ST8SIA2: variants seen among roughly 807,000 people sequenced by gnomAD.
The protein encoded by ST8SIA2 is alpha-2,8-sialyltransferase 8B.
A neutral mutation model predicts 37.6 loss-of-function variants in ST8SIA2; 22 were observed. That is an observed-to-expected ratio of 0.58 (90% CI 0.42 to 0.83). The LOEUF (loss-of-function observed/expected upper bound fraction) is 0.83. ST8SIA2 is among the 40% of genes least tolerant of loss of function. The pLI, the probability that ST8SIA2 is intolerant of heterozygous loss-of-function variation, is 0.00. For synonymous variants in ST8SIA2, 205 were observed against 201.2 expected (o/e 1.02, Z -0.16); for missense variants, 382 against 484.7 (o/e 0.79, Z 1.99).
intron 2 of ST8SIA2, among the ~76,000 whole-genome samples, chr15:92,431,338 C>T (rs897852138): frequency 6.6e-6 from 1 of 152,170 alleles, no homozygotes; most frequent in African/African-American, 2.4e-5. Context: ...TTAGCCAGGA[C>T]CTTAGGCAAG....
At chr15:92,436,857 C>T (rs1457299845) in intron 3 of ST8SIA2, among the ~76,000 whole-genome samples, 2 of 152,132 alleles carry the variant, frequency 1.3e-5, no homozygotes, top group Non-Finnish European at 2.9e-5. Context: ...CCCTGGCTGC[C>T]CCGGAGGCTC....
At chr15:92,396,641 C>A (rs7174532) in intron 1 of ST8SIA2, among the ~76,000 whole-genome samples, 8 of 151,902 alleles carry the variant, frequency 5.3e-5, no homozygotes, top group South Asian at 2.1e-4. Flanking sequence ...TTACAGGCAC[C>A]TGCCACCACA....
chr15:92,466,126 C>T lies in ST8SIA2; in HGVS notation c.*1741C>T, dbSNP rs1478743278. 1 of 152,152 alleles carries T rather than the reference C, an allele frequency of 6.6e-6. No homozygotes were observed. Among genetic ancestry groups the T allele is most frequent in the Admixed American group, 6.5e-5 (1 of 15,274 alleles). The allele number at this position is 152,152 out of a possible 1,614,324, so 9.4% of individuals were successfully genotyped here. ...GGAGGCGGCAGAACCATTAACCCTA[C>T]ACAAGAACACTCCAGCCCAAAACCG... On this transcript the variant is annotated 3_prime_UTR_variant, in exon 6 of 6. Coordinates refer to ENST00000268164, the MANE Select transcript of ST8SIA2 (RefSeq NM_006011.4).
Position 92,464,638 on chromosome 15 carries a change from C to T in ST8SIA2, c.*253C>T, listed in dbSNP as rs1043139168. The T allele has an allele frequency of 1.5e-5, 8 of 529,912 alleles. No individual in the cohort carries two copies. The highest frequency in any genetic ancestry group is 1.3e-4 in the African/African-American group (7 of 52,446). 32.8% of individuals were successfully genotyped at this position (529,912 alleles called of 1,614,324 possible). On this transcript the variant is annotated 3_prime_UTR_variant, in exon 6 of 6. Transcript: ENST00000268164. The stretch of plus-strand genomic sequence containing the variant: ...GAAGGTGTGGAGAACCCACCTGAAC[C>T]AGATTGAGACTCAATCCATCTTTGG...
chr15:92,448,938 T>TGG (rs139549749), intron 5 of ST8SIA2, among the ~76,000 whole-genome samples: 82 of 150,550 alleles, frequency 5.4e-4, no homozygotes, highest in African/African-American at 1.2e-3. Context: ...ATAGGGTATG[T>TGG]GGGGGGGGGT....
chr15:92,430,511 C>T (rs772856709), intron 2 of ST8SIA2, among the ~76,000 whole-genome samples: 14 of 152,188 alleles, frequency 9.2e-5, no homozygotes, highest in South Asian at 2.1e-4. Context: ...ATAAAGCATT[C>T]GGGAACTTTG....
chr15:92,442,907 G>A (rs1165681156), intron 4 of ST8SIA2, among the ~76,000 whole-genome samples: 1 of 152,016 alleles, frequency 6.6e-6, no homozygotes, highest in Non-Finnish European at 1.5e-5. Context: ...TCTAGCTCTG[G>A]GCCTTTGAGC....
Position 92,467,540 on chromosome 15 carries a change from C to T in ST8SIA2, c.*3155C>T, listed in dbSNP as rs763398953. 2 of 152,708 alleles carry T rather than the reference C, an allele frequency of 1.3e-5. No individual in the cohort carries two copies. Among genetic ancestry groups the T allele is most frequent in the Non-Finnish European group, 2.9e-5 (2 of 68,142 alleles). 9.5% of individuals were successfully genotyped at this position (152,708 alleles called of 1,614,324 possible). A position where few individuals can be genotyped will look rare whatever the true frequency, so the allele number is the denominator to read the frequency against. ...AGACGCTCCCTGGCCCCTCGGCACC[C>T]AGAATGCCACATTCTTGTGTTTTTT... On this transcript the variant is annotated 3_prime_UTR_variant, in exon 6 of 6. Transcript: ENST00000268164.
chr15:92,460,471 A>G (rs1567226137), intron 5 of ST8SIA2, among the ~76,000 whole-genome samples: 1 of 152,296 alleles, frequency 6.6e-6, no homozygotes, highest in African/African-American at 2.4e-5. Flanking sequence ...CTTTGCAGGG[A>G]TCTGTGAGAG....
chr15:92,411,287 T>C (rs2049546916), intron 1 of ST8SIA2, among the ~76,000 whole-genome samples: 1 of 151,934 alleles, frequency 6.6e-6, no homozygotes, highest in East Asian at 1.9e-4. Flanking sequence ...TGACCAAAGG[T>C]ATGTGCAGAC....
chr15:92,427,098 A>G (rs1250174634), intron 1 of ST8SIA2, among the ~76,000 whole-genome samples: 1 of 152,202 alleles, frequency 6.6e-6, no homozygotes, highest in East Asian at 1.9e-4. Flanking sequence ...TCCATCTCAA[A>G]GAGAAAAAGT....
chr15:92,399,887 T>G (rs1484171498), intron 1 of ST8SIA2, among the ~76,000 whole-genome samples: 1 of 152,224 alleles, frequency 6.6e-6, no homozygotes, highest in Non-Finnish European at 1.5e-5. Flanking sequence ...TATAAATACT[T>G]CTTCGAGAGG....
At chr15:92,427,368 TATA>T (rs2049684684) in intron 1 of ST8SIA2, among the ~76,000 whole-genome samples, 1 of 151,270 alleles carries the variant, frequency 6.6e-6, no homozygotes, top group Non-Finnish European at 1.5e-5. Flanking sequence ...AAGCCTGAAA[TATA>T]ATATTACTCA....
intron 1 of ST8SIA2, among the ~76,000 whole-genome samples, chr15:92,412,260 A>C (rs2049554948): frequency 6.6e-6 from 1 of 151,946 alleles, no homozygotes; most frequent in South Asian, 2.1e-4. Context: ...AAAATAACTA[A>C]AGAAATGAGA....
rs560968254 is a variant in ST8SIA2 at position 92,460,339 on chromosome 15, G to T, written c.843-3761G>T. Among the ~76,000 whole-genome samples the T allele has an allele frequency of 6.6e-5, 10 of 152,318 alleles. No individual in the cohort carries two copies. In the South Asian group the frequency reaches 1.0e-3, roughly 16 times the overall value. Reference sequence around the variant, plus strand: ...GATCCAGGCAGCTTTTAAAGCTCCAGATGATTCCAGTATGTGGCGTAGGTT... The same window carrying T: ...GATCCAGGCAGCTTTTAAAGCTCCATATGATTCCAGTATGTGGCGTAGGTT... On this transcript the variant is annotated intron_variant, in intron 5 of 5. Coordinates refer to ENST00000268164, the MANE Select transcript of ST8SIA2 (RefSeq NM_006011.4).
intron 1 of ST8SIA2, among the ~76,000 whole-genome samples, chr15:92,399,374 C>G (rs1158655830): frequency 3.3e-5 from 5 of 152,188 alleles, no homozygotes; most frequent in African/African-American, 1.2e-4. Context: ...GCACCTCAGC[C>G]AAACACCAGG....
At chr15:92,430,556 A>T (rs922258562) in intron 2 of ST8SIA2, among the ~76,000 whole-genome samples, 5 of 152,246 alleles carry the variant, frequency 3.3e-5, no homozygotes. Flanking sequence ...GAGTCAACAC[A>T]GTAATGTTAA....
intron 5 of ST8SIA2, among the ~76,000 whole-genome samples, chr15:92,462,604 G>A (rs555888770): frequency 6.6e-6 from 1 of 152,206 alleles, no homozygotes; most frequent in Admixed American, 6.5e-5. Context: ...GAATTTAATG[G>A]GTGTGTTTGA....
rs2050008957 is a variant in ST8SIA2 at position 92,468,536 on chromosome 15, C to A, written c.*4151C>A. The A allele has an allele frequency of 6.5e-6, 1 of 152,694 alleles. No individual in the cohort carries two copies. Among genetic ancestry groups the A allele is most frequent in the South Asian group, 2.1e-4 (1 of 4,828 alleles). 9.5% of individuals were successfully genotyped at this position (152,694 alleles called of 1,614,324 possible). ...GAACCACCGTAGCACTTTATTTGTACCTTTCTCATGGCACTTACCATATTC... is the reference window on the plus strand; with the variant it reads ...GAACCACCGTAGCACTTTATTTGTAACTTTCTCATGGCACTTACCATATTC... On this transcript the variant is annotated 3_prime_UTR_variant, in exon 6 of 6. Transcript: ENST00000268164.
Sources: gnomAD v4.1 joint callset for allele counts (sites outside exome capture counted in the v4.1 genomes callset) on GRCh38, gnomAD v4.1.1 for gene constraint, MANE v1.5 for transcripts, NCBI Gene and HGNC (gene_info 2026-07-23, HGNC 2026-07-21) for gene names.